Variants in APPL1 observed in about 807,000 individuals in gnomAD.
APPL1 encodes adaptor protein, phosphotyrosine interacting with PH domain and leucine zipper 1.
A neutral mutation model predicts 106.8 loss-of-function variants in APPL1; 42 were observed. The ratio of observed to expected loss-of-function variants is 0.39; its 90% CI spans 0.31 to 0.51. The LOEUF (loss-of-function observed/expected upper bound fraction) is 0.51, where lower values mean the gene tolerates loss of function less well. Ranked by LOEUF, APPL1 falls within the 20% of genes least tolerant of loss-of-function variation. The pLI, the probability that APPL1 is intolerant of heterozygous loss-of-function variation, is 0.75. For synonymous variants in APPL1, 263 were observed against 281.8 expected, an observed-to-expected ratio of 0.93 and a Z score of 0.67; for missense variants, 769 against 858.2, an observed-to-expected ratio of 0.90 and a Z score of 1.30.
Position 57,256,941 on chromosome 3 carries a change from A to T in APPL1, c.1153-16A>T, listed in dbSNP as rs766905375. The T allele has an allele frequency of 3.7e-6, 6 of 1,608,064 alleles. No homozygotes were observed. The African/African-American group carries it at 5.4e-5, about 14-fold the overall frequency. On this transcript the variant is annotated splice_polypyrimidine_tract_variant and intron_variant, in intron 13 of 21. Coordinates refer to ENST00000288266, the MANE Select transcript of APPL1 (RefSeq NM_012096.3). The stretch of plus-strand genomic sequence containing the variant: ...ACTTTACTAATATTAGTCCTTTTTT[A>T]AAAAAATTGAAATAGGAAACTGCTG...
chr3:57,258,922 A>G (rs910171152), intron 15 of APPL1, 106 bp from the exon 16 acceptor site: 2 of 828,298 alleles, frequency 2.4e-6, no homozygotes, highest in South Asian at 1.8e-5. Flanking sequence ...GGGGCATTTT[A>G]GAGCTTTTTT....
rs1487525148 is a variant in APPL1, at chr3:57,227,793, G to A, written c.-91G>A. On this transcript the variant is annotated 5_prime_UTR_variant, in exon 1 of 22. Coordinates refer to ENST00000288266, the MANE Select transcript of APPL1 (RefSeq NM_012096.3). The stretch of plus-strand genomic sequence containing the variant: ...GGACGGCTGCAGCCCTTGCCGGAGA[G>A]GGCGGGCCGGGGTCAGCTGCGGCGG... 5 of 1,177,494 alleles carry A rather than the reference G, an allele frequency of 4.2e-6. No individual in the cohort carries two copies. In the South Asian group the frequency reaches 5.2e-5, roughly 12 times the overall value. The allele number at this position is 1,177,494 out of a possible 1,614,324, so 72.9% of individuals were successfully genotyped here.
intron 7 of APPL1, among the ~76,000 whole-genome samples, chr3:57,245,756 G>GC (rs1409628933): frequency 6.6e-6 from 1 of 151,764 alleles, no homozygotes; most frequent in Non-Finnish European, 1.5e-5. Context: ...TGTTGGCCAG[G>GC]CTGTTCTTAA....
At chr3:57,242,325 A>G (rs2060750887) in intron 6 of APPL1, among the ~76,000 whole-genome samples, 183 bp downstream of exon 6, 3 of 152,182 alleles carry the variant, frequency 2.0e-5, no homozygotes, top group Admixed American at 2.0e-4. Context: ...AAAAATCTTA[A>G]GGAAATTAAG....
intron 19 of APPL1, among the ~76,000 whole-genome samples, chr3:57,261,193 A>C (rs1312593444): frequency 6.6e-6 from 1 of 152,118 alleles, no homozygotes; most frequent in Non-Finnish European, 1.5e-5. Flanking sequence ...TCCCACATAC[A>C]AGTGAGAACA....
At chr3:57,243,792 A>C (rs988340115) in intron 7 of APPL1, among the ~76,000 whole-genome samples, 1 of 152,194 alleles carries the variant, frequency 6.6e-6, no homozygotes, top group African/African-American at 2.4e-5. Context: ...TCTGGGTATA[A>C]AATTTGATAT....
At chr3:57,244,645 A>G (rs7615217) in intron 7 of APPL1, among the ~76,000 whole-genome samples, 74,452 of 151,986 alleles carry the variant, frequency 0.49, 18,956 homozygotes, top group East Asian at 0.92. Context: ...TGGCAGAAAG[A>G]GTAAGAAGTA....
At chr3:57,241,801 C>T (rs1226767072) in intron 5 of APPL1, among the ~76,000 whole-genome samples, 1 of 152,164 alleles carries the variant, frequency 6.6e-6, no homozygotes, top group East Asian at 1.9e-4. Flanking sequence ...ATCAAAAATG[C>T]ATGATTCTGG....
At chr3:57,249,820 C>G (rs374558392) in intron 11 of APPL1, among the ~76,000 whole-genome samples, 2 of 152,210 alleles carry the variant, frequency 1.3e-5, no homozygotes, top group East Asian at 1.9e-4. Flanking sequence ...TGCATAGTAT[C>G]AGGGAAGACA....
chr3:57,257,951 A>G (rs1164885235), intron 15 of APPL1, among the ~76,000 whole-genome samples: 1 of 152,224 alleles, frequency 6.6e-6, no homozygotes. Flanking sequence ...CTTAAGGCAA[A>G]TCATTTATTA....
At chr3:57,265,608 TC>T (rs745646645) in intron 19 of APPL1, among the ~76,000 whole-genome samples, 1 of 152,240 alleles carries the variant, frequency 6.6e-6, no homozygotes, top group Non-Finnish European at 1.5e-5. Context: ...TGATTTTGTA[TC>T]CTGAAACTTT....
At chr3:57,247,304 A>T in intron 8 of APPL1, 91 bp from the exon 9 acceptor site, 1 of 687,704 alleles carries the variant, frequency 1.5e-6, no homozygotes, top group Non-Finnish European at 2.5e-6. Context: ...TTACTTAACC[A>T]TGTGTCTTAG....
At chr3:57,234,924 A>G in intron 1 of APPL1, among the ~76,000 whole-genome samples, 1 of 152,200 alleles carries the variant, frequency 6.6e-6, no homozygotes, top group East Asian at 1.9e-4. Context: ...CAAAGTGCTG[A>G]GATTACAGGC....
chr3:57,237,986 A>G, intron 3 of APPL1, 59 bp from the exon 4 acceptor site: 1 of 1,280,070 alleles, frequency 7.8e-7, no homozygotes, highest in South Asian at 1.3e-5. Flanking sequence ...AATTATAGTA[A>G]TGTCATTCCC....
intron 11 of APPL1, among the ~76,000 whole-genome samples, chr3:57,251,327 C>G (rs931530968): frequency 6.6e-6 from 1 of 151,028 alleles, no homozygotes; most frequent in Non-Finnish European, 1.5e-5. Context: ...AGTTTGAGAC[C>G]AGCCTGGCCA....
chr3:57,268,254 C>T, intron 20 of APPL1, 144 bp from the exon 21 acceptor site: 2 of 782,978 alleles, frequency 2.6e-6, no homozygotes, highest in South Asian at 4.6e-5. Context: ...TAATTGTTTA[C>T]CATTGAATAT....
At chr3:57,239,005 T>G (rs2060731448) in intron 4 of APPL1, among the ~76,000 whole-genome samples, 1 of 152,190 alleles carries the variant, frequency 6.6e-6, no homozygotes, top group Admixed American at 6.5e-5. Flanking sequence ...GGACTCACAG[T>G]TCCATGTGGC....
rs1394193000 is a variant in APPL1, at chr3:57,228,775, C to A, written c.54+838C>A. Among the ~76,000 whole-genome samples, 3 of 152,204 alleles carry A rather than the reference C, an allele frequency of 2.0e-5. No homozygotes were observed. Among genetic ancestry groups the A allele is most frequent in the African/African-American group, 7.2e-5 (3 of 41,448 alleles). ...GCTGTAACTTGCATAGGGAAAACTT[C>A]ATCTCTAAGCCGTTTTACACGATAA... On this transcript the variant is annotated intron_variant, in intron 1 of 21. Coordinates refer to ENST00000288266, the MANE Select transcript of APPL1 (RefSeq NM_012096.3). The surrounding 1 kb of genome is among the most constrained non-coding windows in gnomAD (Gnocchi z 4.6).
At chr3:57,242,825 T>C (rs766295712) in intron 6 of APPL1, 31 bp from the exon 7 acceptor site, 3 of 1,529,090 alleles carry the variant, frequency 2.0e-6, no homozygotes, top group Non-Finnish European at 2.7e-6. Context: ...AAAGTACTGT[T>C]GTATTGTTAA....
Sources: allele counts gnomAD v4.1 joint callset (sites outside exome capture counted in the v4.1 genomes callset), GRCh38; gene constraint gnomAD v4.1.1; non-coding constraint Gnocchi (gnomAD v3.1); transcripts MANE v1.5; gene names NCBI Gene and HGNC (gene_info 2026-07-23, HGNC 2026-07-21).